Variants in ESCO1 observed in about 807,000 individuals in gnomAD.
ESCO1 encodes the protein N-acetyltransferase ESCO1.
A neutral mutation model predicts 83.5 loss-of-function variants in ESCO1; 33 were observed. That is an observed-to-expected ratio of 0.40 (90% CI 0.30 to 0.53). The LOEUF (loss-of-function observed/expected upper bound fraction) is 0.53, where lower values mean the gene tolerates loss of function less well. Among genes scored for constraint, ESCO1 ranks in the 20% least tolerant of loss-of-function variants. ESCO1 has a pLI of 0.63. For missense variants in ESCO1, 855 were observed against 968.0 expected, an observed-to-expected ratio of 0.88 and a Z score of 1.55; for synonymous variants, 332 against 324.3, an observed-to-expected ratio of 1.02 and a Z score of -0.25.
intron 1 of ESCO1, among the ~76,000 whole-genome samples, chr18:21,586,132 C>A (rs910211617): frequency 1.1e-4 from 17 of 152,272 alleles, no homozygotes; most frequent in Non-Finnish European, 2.5e-4. Context: ...AGAACTTATT[C>A]CTTCTAACTG....
intron 2 of ESCO1, among the ~76,000 whole-genome samples, chr18:21,579,841 C>G (rs888109992): frequency 5.0e-4 from 73 of 147,228 alleles, no homozygotes; most frequent in African/African-American, 1.5e-3. Flanking sequence ...CACACACACA[C>G]AGCAGGGAGG....
intron 10 of ESCO1, among the ~76,000 whole-genome samples, chr18:21,535,600 T>C (rs909773337): frequency 2.6e-5 from 4 of 152,148 alleles, no homozygotes; most frequent in African/African-American, 4.8e-5. Flanking sequence ...GCCAGGATGG[T>C]CTCGAACTCC....
intron 1 of ESCO1, among the ~76,000 whole-genome samples, chr18:21,588,099 C>CAA (rs200101799): frequency 4.8e-5 from 4 of 82,644 alleles, no homozygotes; most frequent in East Asian, 4.4e-4. Flanking sequence ...GGATCCATCT[C>CAA]AAAAAAAAAA....
At position 21,573,372 on chromosome 18, in the gene ESCO1, G is replaced by A. The variant is rs755746105; in HGVS notation, c.1472C>T (p.Pro491Leu). The A allele has an allele frequency of 1.2e-5, 20 of 1,602,594 alleles. No individual in the cohort carries two copies. The Admixed American group carries it at 1.6e-4, about 13-fold the overall frequency. ...ENCHLANEIK[P>L]SDPPLDNQMK... Reference sequence around the variant, plus strand: ...CTGATTATCCAATGGTGGGTCAGAAGGTTTTATCTCATTGGCCAAATGACA... The same window carrying A: ...CTGATTATCCAATGGTGGGTCAGAAAGTTTTATCTCATTGGCCAAATGACA... The change falls in exon 4 of 12, where the codon CCT (proline) becomes CTT (leucine). Residue 491 changes from proline (P) to leucine (L), a missense_variant. By Grantham distance (98) the Pro-to-Leu change is moderately conservative. Around this residue, in one of 2 missense-constraint regions of ESCO1, gnomAD observed 726 missense variants for 699.5 expected, o/e 1.04. Coordinates refer to ENST00000269214, the MANE Select transcript of ESCO1 (RefSeq NM_052911.3).
In ESCO1 at chr18:21,574,083, G is replaced by A; in HGVS notation, c.761C>T (p.Ser254Leu). 1 of 1,612,814 alleles carries A rather than the reference G, an allele frequency of 6.2e-7. No individual in the cohort carries two copies. ...CATCTCATTCTTTTTCGGGACCACT[G>A]AAGTAGCCATTTTTGATCTTTTCAC... ...SEVKRSKMAT[S>L]VVPKKNEMKK... The change falls in exon 4 of 12, where the codon TCA becomes TTA. Residue 254 changes from serine (S) to leucine (L), a missense_variant. Ser to Leu is a moderately radical substitution (Grantham distance 145). Coordinates refer to ENST00000269214, the MANE Select transcript of ESCO1 (RefSeq NM_052911.3).
intron 8 of ESCO1, among the ~76,000 whole-genome samples, chr18:21,540,395 T>A (rs1236657944): frequency 6.6e-6 from 1 of 152,192 alleles, no homozygotes; most frequent in Non-Finnish European, 1.5e-5. Context: ...TTATATTTCA[T>A]TGGAACATGG....
intron 4 of ESCO1, among the ~76,000 whole-genome samples, chr18:21,571,503 T>C (rs1301664914): frequency 2.0e-5 from 3 of 152,144 alleles, no homozygotes; most frequent in Non-Finnish European, 4.4e-5. Flanking sequence ...TGGTTTCTTA[T>C]AATGTTCCTC....
chr18:21,579,744 C>T (rs1288381797), intron 2 of ESCO1, among the ~76,000 whole-genome samples: 1 of 149,778 alleles, frequency 6.7e-6, no homozygotes, highest in Admixed American at 6.7e-5. Flanking sequence ...TCACTGTACT[C>T]CAGCCTGGGC....
At chr18:21,559,685 C>G (rs371046515) in intron 8 of ESCO1, among the ~76,000 whole-genome samples, 2 of 152,170 alleles carry the variant, frequency 1.3e-5, no homozygotes, top group African/African-American at 4.8e-5. Flanking sequence ...CCTGAGAGAA[C>G]TATTTTTCTT....
intron 1 of ESCO1, among the ~76,000 whole-genome samples, chr18:21,592,290 G>A (rs535536147): frequency 6.6e-5 from 10 of 150,930 alleles, no homozygotes; most frequent in Admixed American, 3.3e-4. Context: ...GCAGCTGGCC[G>A]GGCAGAGGGG....
In ESCO1 at chr18:21,562,657, C is replaced by T. The variant is rs1293870070; in HGVS notation, c.1821+1546G>A. On this transcript the variant is annotated intron_variant, in intron 7 of 11. Coordinates refer to ENST00000269214, the MANE Select transcript of ESCO1 (RefSeq NM_052911.3). Reference sequence around the variant, plus strand: ...ACCCTATCTTAAAAAAAAAAAAATCCTACTGATTATGTTGACTGTAACTAC... The same window carrying T: ...ACCCTATCTTAAAAAAAAAAAAATCTTACTGATTATGTTGACTGTAACTAC... Among the ~76,000 whole-genome samples, 6 of 151,582 alleles carry T rather than the reference C, an allele frequency of 4.0e-5. No homozygotes were observed. In the East Asian group the frequency reaches 1.2e-3, roughly 29 times the overall value.
chr18:21,578,729 G>A (rs1037216820), intron 2 of ESCO1, among the ~76,000 whole-genome samples: 1 of 152,108 alleles, frequency 6.6e-6, no homozygotes, highest in African/African-American at 2.4e-5. Flanking sequence ...ACAAAGTCTC[G>A]CTTTGTTGTC....
chr18:21,582,820 C>A (rs568403272), intron 2 of ESCO1, among the ~76,000 whole-genome samples: 2 of 152,296 alleles, frequency 1.3e-5, no homozygotes, highest in East Asian at 1.9e-4. Context: ...GTGTCAGGTA[C>A]CTTACATTAC....
rs537077095 is a variant in ESCO1, at chr18:21,574,419, T to G, written c.425A>C (p.Gln142Pro). 1.9e-6 allele frequency: 3 copies of G among 1,614,166 alleles called. No individual in the cohort carries two copies. The highest frequency in any genetic ancestry group is 1.7e-5 in the Admixed American group (1 of 60,020). The change falls in exon 4 of 12, where the codon CAG becomes CCG. Residue 142 changes from glutamine to proline, a missense_variant. Gln to Pro is a moderately conservative substitution (Grantham distance 76, BLOSUM62 -1). Transcript: ENST00000269214. ...CTGTTTAACTGCTTGAACTTGACCC[T>G]GAATTTCTCTACTGCGTAACGACCT... The part of the protein sequence containing the change: ...SRRSLRSREI[Q>P]GQVQAVKQSL...
intron 1 of ESCO1, among the ~76,000 whole-genome samples, chr18:21,595,395 C>G (rs1568116700): frequency 6.8e-6 from 1 of 148,084 alleles, no homozygotes; most frequent in African/African-American, 2.5e-5. Context: ...AAGGGGCCGG[C>G]GCTGTGGTTC....
chr18:21,564,452 G>A (rs1249202439), intron 6 of ESCO1, 135 bp from the exon 7 acceptor site: 11 of 566,064 alleles, frequency 1.9e-5, no homozygotes, highest in Middle Eastern at 1.0e-3. Context: ...GTGCAGTGGC[G>A]CAATCTTGGC....
chr18:21,542,244 G>A (rs996344843), intron 8 of ESCO1, among the ~76,000 whole-genome samples: 1 of 152,082 alleles, frequency 6.6e-6, no homozygotes, highest in African/African-American at 2.4e-5. Context: ...GGAGTGCAGT[G>A]GCAAGATCAC....
chr18:21,548,524 G>C (rs916688502), intron 8 of ESCO1, among the ~76,000 whole-genome samples: 8 of 151,932 alleles, frequency 5.3e-5, no homozygotes, highest in Admixed American at 3.3e-4. Context: ...AAGGCCAGGG[G>C]GGTGGTGGAT....
chr18:21,570,420 G>T (rs531757144), intron 4 of ESCO1, among the ~76,000 whole-genome samples: 1 of 152,108 alleles, frequency 6.6e-6, no homozygotes, highest in Non-Finnish European at 1.5e-5. Context: ...TCTTTTCATA[G>T]AAGAAAAGAT....
Sources: allele counts gnomAD v4.1 joint callset (sites outside exome capture counted in the v4.1 genomes callset), GRCh38; gene constraint gnomAD v4.1.1; regional missense constraint gnomAD v4.1.1; transcripts MANE v1.5; gene names NCBI Gene and HGNC (gene_info 2026-07-23, HGNC 2026-07-21).